SHISA9: variants seen among roughly 807,000 people sequenced by gnomAD.
SHISA9 encodes the protein protein shisa-9.
In SHISA9, 13 loss-of-function variants were observed where a neutral mutation model predicts 38.0. The observed-to-expected ratio is 0.34, with a 90% CI of 0.22 to 0.54. The LOEUF (loss-of-function observed/expected upper bound fraction) is 0.54, where lower values mean the gene tolerates loss of function less well. SHISA9 is among the 20% of genes least tolerant of loss of function. SHISA9 has a pLI of 0.91. For missense variants in SHISA9, 538 were observed against 575.8 expected, an observed-to-expected ratio of 0.93 and a Z score of 0.67; for synonymous variants, 275 against 242.0, an observed-to-expected ratio of 1.14 and a Z score of -1.27.
the SHISA9 span, among the ~76,000 whole-genome samples, chr16:13,297,673 C>T: frequency 6.6e-6 from 1 of 152,204 alleles, no homozygotes; most frequent in Non-Finnish European, 1.5e-5. Flanking sequence ...TGGCGTTGAG[C>T]TTCTTGACAG....
At chr16:13,488,198 C>G in the SHISA9 span, among the ~76,000 whole-genome samples, 1,094 of 151,854 alleles carry the variant, frequency 7.2e-3, 17 homozygotes, top group African/African-American at 0.025. Context: ...CCATTCTTCC[C>G]CCCAGATTAA....
rs1367665169 is a variant in SHISA9, at chr16:13,019,808, CTTTCTTTCTTT to C, written c.691+102994_691+103004del. On this transcript the variant is annotated intron_variant, in intron 2 of 4. Transcript: ENST00000558583. ...TCTTTCTTTCTTTCTTTCTTTCTTT[CTTTCTTTCTTT>C]CTTTCTTTCTTTCTTTTTCCTTCCT... 7.7e-4 allele frequency among the ~76,000 whole-genome samples: 108 copies of C among 140,750 alleles called. 1 individual carries two copies. Among genetic ancestry groups the C allele is most frequent in the Non-Finnish European group, 1.2e-3 (77 of 64,748 alleles). 92.3% of individuals were successfully genotyped at this position (140,750 alleles called of 152,430 possible). A position where few individuals can be genotyped will look rare whatever the true frequency, so the allele number is the denominator to read the frequency against.
chr16:13,248,675 C>T, the SHISA9 span, among the ~76,000 whole-genome samples: 791 of 152,230 alleles, frequency 5.2e-3, 6 homozygotes, highest in African/African-American at 0.017. Flanking sequence ...TTTTATTAAT[C>T]GGAAGCATTT....
At position 13,135,783 on chromosome 16, in the gene SHISA9, G is replaced by T. The variant is rs570583203; in HGVS notation, c.692-67611G>T. ...AAGATAGATGCAAGGGCCAGCAAAA[G>T]GAAACAAACCAGATTGCAGAATTAG... On this transcript the variant is annotated intron_variant, in intron 2 of 4. Coordinates refer to ENST00000558583, the MANE Select transcript of SHISA9 (RefSeq NM_001145204.3). 5.3e-5 allele frequency among the ~76,000 whole-genome samples: 8 copies of T among 152,258 alleles called. No individual in the cohort carries two copies. In the South Asian group the frequency reaches 1.4e-3, roughly 28 times the overall value.
At chr16:13,503,977 C>A in the SHISA9 span, among the ~76,000 whole-genome samples, 4 of 152,078 alleles carry the variant, frequency 2.6e-5, no homozygotes, top group Non-Finnish European at 4.4e-5. Flanking sequence ...AGGAAGGCTC[C>A]CCCTCAGGTG....
chr16:13,226,436 C>G (rs1019705742), intron 4 of SHISA9, among the ~76,000 whole-genome samples: 1 of 152,178 alleles, frequency 6.6e-6, no homozygotes. Flanking sequence ...ATGATATAAT[C>G]TTGCCTATAG....
At chr16:13,221,051 A>G (rs1051096614) in intron 4 of SHISA9, among the ~76,000 whole-genome samples, 1 of 151,988 alleles carries the variant, frequency 6.6e-6, no homozygotes, top group Non-Finnish European at 1.5e-5. Flanking sequence ...AAAAAATCAC[A>G]GTACCACCGC....
intron 2 of SHISA9, among the ~76,000 whole-genome samples, chr16:13,044,431 T>G (rs1567193444): frequency 6.6e-6 from 1 of 152,186 alleles, no homozygotes; most frequent in African/African-American, 2.4e-5. Context: ...AAATGATTGT[T>G]TTTACAAGAC....
At chr16:13,124,385 A>G (rs1019234668) in intron 2 of SHISA9, among the ~76,000 whole-genome samples, 1 of 152,146 alleles carries the variant, frequency 6.6e-6, no homozygotes, top group Non-Finnish European at 1.5e-5. Flanking sequence ...GGGTAGGGAG[A>G]TGGAGGAGGG....
the SHISA9 span, among the ~76,000 whole-genome samples, chr16:13,474,828 A>C: frequency 6.6e-6 from 1 of 152,160 alleles, no homozygotes; most frequent in African/African-American, 2.4e-5. Context: ...CAGTGAGTGC[A>C]AAAGGCCTTG....
chr16:13,258,602 A>C, the SHISA9 span, among the ~76,000 whole-genome samples: 1 of 152,220 alleles, frequency 6.6e-6, no homozygotes, highest in Non-Finnish European at 1.5e-5. Context: ...ACTGGGAACA[A>C]AAAGAGGCTT....
the SHISA9 span, among the ~76,000 whole-genome samples, chr16:13,323,232 C>T: frequency 6.6e-6 from 1 of 152,186 alleles, no homozygotes; most frequent in East Asian, 1.9e-4. Context: ...ATTATTCCGT[C>T]TCCACCAAAC....
chr16:13,064,907 AGG>A (rs2073416801), intron 2 of SHISA9, among the ~76,000 whole-genome samples: 2 of 151,948 alleles, frequency 1.3e-5, no homozygotes, highest in African/African-American at 2.4e-5. Flanking sequence ...TGCTTTGGGG[AGG>A]GGCAGCCTCA....
At chr16:13,536,978 T>C in the SHISA9 span, among the ~76,000 whole-genome samples, 2 of 152,328 alleles carry the variant, frequency 1.3e-5, no homozygotes, top group East Asian at 3.9e-4. Flanking sequence ...ATCAAGGATC[T>C]TAATTTGGTG....
At chr16:13,446,946 C>T in the SHISA9 span, among the ~76,000 whole-genome samples, 5 of 148,782 alleles carry the variant, frequency 3.4e-5, no homozygotes, top group African/African-American at 1.2e-4. Flanking sequence ...TGCCACTGCA[C>T]TCCAGCCTGA....
the SHISA9 span, among the ~76,000 whole-genome samples, chr16:13,530,354 AG>A: frequency 3.9e-5 from 6 of 152,180 alleles, no homozygotes; most frequent in African/African-American, 1.2e-4. Context: ...CTGTGTCCTT[AG>A]GGAGATTACT....
intron 4 of SHISA9, among the ~76,000 whole-genome samples, chr16:13,219,893 G>T (rs933658765): frequency 6.6e-6 from 1 of 152,222 alleles, no homozygotes. Flanking sequence ...AGGAGGCGGA[G>T]GTTGCAGTGA....
chr16:13,278,506 T>C, the SHISA9 span, among the ~76,000 whole-genome samples: 1 of 152,130 alleles, frequency 6.6e-6, no homozygotes, highest in Non-Finnish European at 1.5e-5. Flanking sequence ...CATTCGTCTT[T>C]GAATGTCTGG....
At chr16:13,152,771 A>G (rs938242261) in intron 2 of SHISA9, among the ~76,000 whole-genome samples, 1 of 152,224 alleles carries the variant, frequency 6.6e-6, no homozygotes, top group African/African-American at 2.4e-5. Context: ...ATATTGTGGT[A>G]GACAGAATAA....
Sources: gnomAD v4.1 joint callset for allele counts (sites outside exome capture counted in the v4.1 genomes callset) on GRCh38, gnomAD v4.1.1 for gene constraint, MANE v1.5 for transcripts, NCBI Gene and HGNC (gene_info 2026-07-23, HGNC 2026-07-21) for gene names.